The following MACROD2 variants were observed in gnomAD, a reference collection of about 807,000 sequenced individuals.
The protein encoded by MACROD2 is ADP-ribose glycohydrolase MACROD2.
Under a neutral mutation model 70.4 loss-of-function variants are expected in MACROD2, and 36 were observed. The observed-to-expected ratio is 0.51, with a 90% CI of 0.39 to 0.68. The LOEUF (loss-of-function observed/expected upper bound fraction) is 0.68. Ranked by LOEUF, MACROD2 falls within the 30% of genes least tolerant of loss-of-function variation. The pLI is 0.00. For synonymous variants in MACROD2, 172 were observed against 178.8 expected (o/e 0.96, Z 0.30); for missense variants, 496 against 538.4 (o/e 0.92, Z 0.78).
At chr20:14,479,873 A>C (rs1302978449) in intron 3 of MACROD2, among the ~76,000 whole-genome samples, 1 of 152,138 alleles carries the variant, frequency 6.6e-6, no homozygotes, top group African/African-American at 2.4e-5. Context: ...TATTTACTAT[A>C]GTTATATCTT....
intron 5 of MACROD2, among the ~76,000 whole-genome samples, chr20:15,075,853 G>A (rs1346674715): frequency 1.3e-5 from 2 of 152,136 alleles, no homozygotes; most frequent in African/African-American, 2.4e-5. Context: ...CCCTCCATGA[G>A]CGCTGAAGGA....
intron 4 of MACROD2, among the ~76,000 whole-genome samples, chr20:14,529,558 G>A (rs979187048): frequency 6.6e-6 from 1 of 152,138 alleles, no homozygotes; most frequent in Non-Finnish European, 1.5e-5. Context: ...AAAACTTTCT[G>A]TTCTGTCCCA....
intron 5 of MACROD2, among the ~76,000 whole-genome samples, chr20:14,907,354 A>G (rs6135304): frequency 0.15 from 23,257 of 152,202 alleles, 2,078 homozygotes; most frequent in Non-Finnish European, 0.2. Context: ...TGCTGCTTCA[A>G]TAAAAGTTGC....
At chr20:14,487,796 G>T (rs535743025) in intron 3 of MACROD2, among the ~76,000 whole-genome samples, 3 of 152,182 alleles carry the variant, frequency 2.0e-5, no homozygotes, top group South Asian at 4.1e-4. Context: ...GAGGTCATTT[G>T]CATCTCAGTC....
intron 7 of MACROD2, among the ~76,000 whole-genome samples, chr20:15,484,733 A>G (rs1409568815): frequency 1.3e-5 from 2 of 152,170 alleles, no homozygotes; most frequent in Non-Finnish European, 2.9e-5. Flanking sequence ...CTGGAGGTAA[A>G]AACTCACAAA....
intron 6 of MACROD2, among the ~76,000 whole-genome samples, chr20:15,426,610 T>A (rs897348516): frequency 5.3e-5 from 8 of 151,536 alleles, no homozygotes; most frequent in Admixed American, 2.0e-4. Flanking sequence ...CCTCAAATGA[T>A]TTTTTTTTGT....
intron 15 of MACROD2, among the ~76,000 whole-genome samples, chr20:16,034,905 AC>A (rs1246994950): frequency 6.6e-6 from 1 of 151,324 alleles, no homozygotes; most frequent in African/African-American, 2.4e-5. Context: ...GTGAGAACAT[AC>A]GATCTTTGGT....
At chr20:15,822,939 T>C (rs2063955102) in intron 8 of MACROD2, among the ~76,000 whole-genome samples, 1 of 152,198 alleles carries the variant, frequency 6.6e-6, no homozygotes, top group Non-Finnish European at 1.5e-5. Context: ...GAGACTCTGC[T>C]GATGTTCCTA....
chr20:15,043,701 C>T (rs2075372039), intron 5 of MACROD2, among the ~76,000 whole-genome samples: 1 of 152,118 alleles, frequency 6.6e-6, no homozygotes, highest in Non-Finnish European at 1.5e-5. Flanking sequence ...TGTCTGTACC[C>T]CTGATTATGG....
intron 5 of MACROD2, among the ~76,000 whole-genome samples, chr20:15,024,163 G>GTTCTGTAGAACTAGTA (rs2075211803): frequency 6.6e-6 from 1 of 152,104 alleles, no homozygotes; most frequent in Admixed American, 6.6e-5. Context: ...CAAAGAGCAG[G>GTTCTGTAGAACTAGTA]AACTCTGTAG....
intron 5 of MACROD2, among the ~76,000 whole-genome samples, chr20:15,090,697 A>C (rs2075786499): frequency 6.6e-6 from 1 of 152,090 alleles, no homozygotes; most frequent in Non-Finnish European, 1.5e-5. Flanking sequence ...TTAAAAAAGT[A>C]AGTCAGTATT....
At chr20:15,239,383 T>A (rs866892092) in intron 6 of MACROD2, among the ~76,000 whole-genome samples, 2 of 152,126 alleles carry the variant, frequency 1.3e-5, no homozygotes, top group African/African-American at 2.4e-5. Context: ...GGATTTTTTT[T>A]AATGGAAAAC....
At chr20:14,749,435 A>G (rs969060655) in intron 5 of MACROD2, among the ~76,000 whole-genome samples, 1 of 152,004 alleles carries the variant, frequency 6.6e-6, no homozygotes, top group African/African-American at 2.4e-5. Flanking sequence ...AAAGAAAAGG[A>G]AGGAAGGAAG....
intron 8 of MACROD2, among the ~76,000 whole-genome samples, chr20:15,707,999 T>C (rs1400030259): frequency 6.6e-6 from 1 of 151,750 alleles, no homozygotes; most frequent in Non-Finnish European, 1.5e-5. Flanking sequence ...CACCAAGTTC[T>C]GAGGGAAAAG....
intron 5 of MACROD2, among the ~76,000 whole-genome samples, chr20:15,197,424 A>G (rs1461306385): frequency 6.6e-6 from 1 of 152,082 alleles, no homozygotes; most frequent in Non-Finnish European, 1.5e-5. Flanking sequence ...GTGTGTTACC[A>G]TTAGGCAACA....
At chr20:15,204,560 TA>T (rs1200760382) in intron 5 of MACROD2, among the ~76,000 whole-genome samples, 1 of 152,130 alleles carries the variant, frequency 6.6e-6, no homozygotes, top group Non-Finnish European at 1.5e-5. Flanking sequence ...CTCTTGAAAT[TA>T]AAAGTTTATT....
intron 3 of MACROD2, among the ~76,000 whole-genome samples, chr20:14,159,151 T>C (rs1322871446): frequency 6.6e-6 from 1 of 152,082 alleles, no homozygotes; most frequent in Non-Finnish European, 1.5e-5. Context: ...GGCAGGAGAA[T>C]CACTTGAACT....
chr20:15,552,767 A>G (rs1307323993), intron 8 of MACROD2: 1 of 152,228 alleles, frequency 6.6e-6, no homozygotes, highest in Non-Finnish European at 1.5e-5. Flanking sequence ...ATAATCTGGT[A>G]TCTCAGTCCC....
chr20:14,757,725 G>A (rs2071959672), intron 5 of MACROD2: 2 of 1,522,528 alleles, frequency 1.3e-6, no homozygotes, highest in Middle Eastern at 2.0e-4. Context: ...AAGTCCCGAG[G>A]CTACGTGAAG....
Sources: allele counts gnomAD v4.1 joint callset (sites outside exome capture counted in the v4.1 genomes callset), GRCh38; gene constraint gnomAD v4.1.1; transcripts MANE v1.5; gene names NCBI Gene and HGNC (gene_info 2026-07-23, HGNC 2026-07-21).